ANK2: variants seen among roughly 807,000 people sequenced by gnomAD.
ANK2 encodes ankyrin-2.
Under a neutral mutation model 360.5 loss-of-function variants are expected in ANK2, and 83 were observed. The observed-to-expected ratio is 0.23, with a 90% CI of 0.19 to 0.28. ANK2 has a LOEUF of 0.28. Ranked by LOEUF, ANK2 falls within the 10% of genes least tolerant of loss-of-function variation. The probability of loss-of-function intolerance (pLI) is 1.00; values close to 1 mark genes in which losing one functional copy is unlikely to be tolerated. For missense variants in ANK2, 4,201 were observed against 4,795.7 expected (o/e 0.88, Z 3.66); for synonymous variants, 1,740 against 1,759.5 (o/e 0.99, Z 0.28).
the ANK2 span, among the ~76,000 whole-genome samples, chr4:112,730,793 GT>G: frequency 6.6e-6 from 1 of 150,866 alleles, no homozygotes; most frequent in Admixed American, 6.6e-5. Flanking sequence ...TGGGAGGATT[GT>G]TTGAGATCAG....
At chr4:112,772,411 T>C in the ANK2 span, among the ~76,000 whole-genome samples, 3 of 152,162 alleles carry the variant, frequency 2.0e-5, no homozygotes, top group African/African-American at 7.2e-5. Context: ...GTGGGAACTA[T>C]GGGAACTACA....
At chr4:113,145,006 C>G (rs1275550960) in intron 1 of ANK2, among the ~76,000 whole-genome samples, 1 of 151,762 alleles carries the variant, frequency 6.6e-6, no homozygotes, top group East Asian at 1.9e-4. Flanking sequence ...AATATGATTT[C>G]AAAGATTGGA....
At position 113,381,740 on chromosome 4, in the gene ANK2, C is replaced by A. The variant is rs2097177212; in HGVS notation, c.*269C>A. 1 of 1,260,352 alleles carries A rather than the reference C, an allele frequency of 7.9e-7. No homozygotes were observed. The highest frequency in any genetic ancestry group is 1.4e-5 in the South Asian group (1 of 73,552). 78.1% of individuals were successfully genotyped at this position (1,260,352 alleles called of 1,614,324 possible). ...CCTAACTGGCCTAATTAATGGGATA[C>A]CCCGACATTTCCACTGTTAGCAAAT... On this transcript the variant is annotated 3_prime_UTR_variant, in exon 46 of 46. Coordinates refer to ENST00000357077, the MANE Select transcript of ANK2 (RefSeq NM_001148.6).
At chr4:113,125,341 T>G (rs2095599419) in intron 1 of ANK2, among the ~76,000 whole-genome samples, 1 of 152,182 alleles carries the variant, frequency 6.6e-6, no homozygotes, top group Admixed American at 6.5e-5. Context: ...AAAGATCAAA[T>G]ATGATTTTTG....
At chr4:112,985,381 G>T (rs965227908) in intron 2 of ANK2, among the ~76,000 whole-genome samples, 1 of 152,066 alleles carries the variant, frequency 6.6e-6, no homozygotes, top group African/African-American at 2.4e-5. Flanking sequence ...TCCCCACTTC[G>T]CTCATTTCTT....
chr4:112,763,755 C>T, the ANK2 span, among the ~76,000 whole-genome samples: 8 of 151,152 alleles, frequency 5.3e-5, no homozygotes. Flanking sequence ...CTCCTGACCT[C>T]GTGATCCGCC....
intron 1 of ANK2, among the ~76,000 whole-genome samples, chr4:112,834,822 A>C (rs1360726963): frequency 6.6e-6 from 1 of 152,134 alleles, no homozygotes; most frequent in East Asian, 1.9e-4. Flanking sequence ...ATTTTAAAAA[A>C]TCAGATCTTT....
chr4:113,092,144 A>C (rs1488361073), intron 1 of ANK2, among the ~76,000 whole-genome samples: 2 of 152,184 alleles, frequency 1.3e-5, no homozygotes, highest in African/African-American at 2.4e-5. Flanking sequence ...GTGTTCTTAA[A>C]TTTAGTTTTT....
Position 113,272,860 on chromosome 4 carries a change from G to A in ANK2, c.1486-1592G>A, listed in dbSNP as rs2059033780. On this transcript the variant is annotated intron_variant, in intron 14 of 45. Transcript: ENST00000357077. ...TTTGCAGGACAGAGATCTGAGAAGG[G>A]AACCCCAGAAACAACAAATGTTCAT... 2.6e-5 allele frequency among the ~76,000 whole-genome samples: 4 copies of A among 152,092 alleles called. No individual in the cohort carries two copies. In the South Asian group the frequency reaches 8.3e-4, roughly 32 times the overall value.
chr4:112,766,563 A>G, the ANK2 span, among the ~76,000 whole-genome samples: 1 of 151,936 alleles, frequency 6.6e-6, no homozygotes, highest in South Asian at 2.1e-4. Flanking sequence ...ATCTCCTTTA[A>G]TTTTTTGACT....
At chr4:112,780,197 A>AAG in the ANK2 span, among the ~76,000 whole-genome samples, 5 of 152,000 alleles carry the variant, frequency 3.3e-5, no homozygotes, top group African/African-American at 1.2e-4. Flanking sequence ...AAAAAAAAAA[A>AAG]AAAAGAAGTC....
At chr4:112,799,321 T>C in the ANK2 span, among the ~76,000 whole-genome samples, 1 of 152,162 alleles carries the variant, frequency 6.6e-6, no homozygotes, top group Non-Finnish European at 1.5e-5. Flanking sequence ...CTTCCGATTC[T>C]TTCTGGTATG....
At chr4:113,199,523 T>C (rs2153407899) in intron 4 of ANK2, among the ~76,000 whole-genome samples, 1 of 152,276 alleles carries the variant, frequency 6.6e-6, no homozygotes. Flanking sequence ...GGAATAACAC[T>C]ACTTTGGTCA....
intron 23 of ANK2, among the ~76,000 whole-genome samples, chr4:113,309,125 A>G (rs577424645): frequency 1.3e-5 from 2 of 152,184 alleles, no homozygotes; most frequent in Non-Finnish European, 1.5e-5. Flanking sequence ...GCTGGTATGT[A>G]TTACTGAATA....
chr4:112,954,055 T>C (rs761350645), intron 2 of ANK2, among the ~76,000 whole-genome samples: 2 of 152,202 alleles, frequency 1.3e-5, no homozygotes, highest in African/African-American at 2.4e-5. Flanking sequence ...ATTTCTATTT[T>C]AAACTCAAAC....
At chr4:112,978,331 T>C (rs2042083618) in intron 2 of ANK2, among the ~76,000 whole-genome samples, 1 of 152,260 alleles carries the variant, frequency 6.6e-6, no homozygotes, top group Non-Finnish European at 1.5e-5. Flanking sequence ...TTCCACTTTT[T>C]TGTATCATAG....
At chr4:113,240,919 A>C (rs1476022580) in intron 8 of ANK2, among the ~76,000 whole-genome samples, 1 of 152,220 alleles carries the variant, frequency 6.6e-6, no homozygotes. Context: ...AATGTTAACT[A>C]TAAAATATAT....
At position 113,261,405 on chromosome 4, in the gene ANK2, A is replaced by G. The variant is rs76498366; in HGVS notation, c.1386+2994A>G. Among the ~76,000 whole-genome samples the G allele has an allele frequency of 7.2e-3, 1,094 of 152,300 alleles. 8 individuals carry two copies. The highest frequency in any genetic ancestry group is 0.011 in the African/African-American group (457 of 41,572). On this transcript the variant is annotated intron_variant, in intron 13 of 45. Transcript: ENST00000357077. ...TAAGAAATCAGTGGACTAATGGTAA[A>G]GTTCACACATTATATTATGCTTAAA...
At chr4:113,331,464 A>T (rs1337125741) in intron 27 of ANK2, among the ~76,000 whole-genome samples, 1 of 152,222 alleles carries the variant, frequency 6.6e-6, no homozygotes, top group Non-Finnish European at 1.5e-5. Flanking sequence ...GACAGACCAG[A>T]GCTTTACAAG....
Sources: gnomAD v4.1 joint callset for allele counts (sites outside exome capture counted in the v4.1 genomes callset) on GRCh38, gnomAD v4.1.1 for gene constraint, MANE v1.5 for transcripts, NCBI Gene and HGNC (gene_info 2026-07-23, HGNC 2026-07-21) for gene names.